ACOT12: variants seen among roughly 807,000 people sequenced by gnomAD.
ACOT12 encodes the protein acyl-CoA thioesterase 12, also known as acetyl-coenzyme A thioesterase.
In ACOT12, 51 loss-of-function variants were observed where a neutral mutation model predicts 67.7. The ratio of observed to expected loss-of-function variants is 0.75; its 90% CI spans 0.60 to 0.95. The LOEUF (loss-of-function observed/expected upper bound fraction) is 0.95, where lower values mean the gene tolerates loss of function less well. Ranked by LOEUF, ACOT12 falls within the 40% of genes least tolerant of loss-of-function variation. ACOT12 has a pLI of 0.00. For missense variants in ACOT12, 734 were observed against 708.1 expected, an observed-to-expected ratio of 1.04 and a Z score of -0.41; for synonymous variants, 251 against 244.6, an observed-to-expected ratio of 1.03 and a Z score of -0.24.
chr5:81,371,788 T>C lies in ACOT12; in HGVS notation c.220A>G (p.Lys74Glu). Residue 74 changes from lysine (K) to glutamate (E), a missense_variant, in exon 3 of 15, where the codon AAA becomes GAA. Transcript: ENST00000307624. ...TARVGQVITI[K>E]AKVTRAFSTS... ...CTGAATGCTCTAGTAACTTTTGCTTTGATGGTTATAACTTGTCCAACTCTA... is the reference window on the plus strand; with the variant it reads ...CTGAATGCTCTAGTAACTTTTGCTTCGATGGTTATAACTTGTCCAACTCTA... The C allele has an allele frequency of 1.2e-6, 2 of 1,614,182 alleles. No individual in the cohort carries two copies. The highest frequency in any genetic ancestry group is 2.2e-5 in the South Asian group (2 of 91,086).
At chr5:81,361,236 A>G (rs963107882) in intron 4 of ACOT12, among the ~76,000 whole-genome samples, 3 of 150,960 alleles carry the variant, frequency 2.0e-5, no homozygotes, top group Non-Finnish European at 3.0e-5. Context: ...TTTTTGAAAC[A>G]GGGTCTCACT....
At chr5:81,383,726 T>C (rs181991188) in intron 2 of ACOT12, among the ~76,000 whole-genome samples, 45 of 151,154 alleles carry the variant, frequency 3.0e-4, no homozygotes, top group Non-Finnish European at 3.4e-4. Flanking sequence ...AATAAAAAAG[T>C]TTAAAAGGTA....
At chr5:81,345,402 T>TA (rs1242748632) in intron 7 of ACOT12, among the ~76,000 whole-genome samples, 1 of 152,120 alleles carries the variant, frequency 6.6e-6, no homozygotes, top group Non-Finnish European at 1.5e-5. Context: ...ATTCTGTAAT[T>TA]AAAAAATAAA....
intron 3 of ACOT12, 73 bp from the exon 4 acceptor site, chr5:81,363,962 G>A: frequency 1.1e-6 from 1 of 922,930 alleles, no homozygotes; most frequent in Non-Finnish European, 1.5e-6. Flanking sequence ...TTAGTCATAT[G>A]TATGCACCAT....
chr5:81,356,538 A>T (rs1184707843), intron 5 of ACOT12, among the ~76,000 whole-genome samples: 1 of 152,096 alleles, frequency 6.6e-6, no homozygotes. Flanking sequence ...AAATCTCCCC[A>T]GCTGTGGTCT....
At chr5:81,354,759 A>G (rs1228121564) in intron 5 of ACOT12, among the ~76,000 whole-genome samples, 2 of 151,476 alleles carry the variant, frequency 1.3e-5, no homozygotes, top group African/African-American at 4.9e-5. Flanking sequence ...GCTGGACTGC[A>G]GTGGTGCAAT....
chr5:81,350,991 C>T (rs1015895617), intron 5 of ACOT12, among the ~76,000 whole-genome samples: 39 of 152,302 alleles, frequency 2.6e-4, no homozygotes, highest in East Asian at 3.9e-4. Flanking sequence ...CCTTGCACTG[C>T]GGCATTTGTG....
At chr5:81,314,818 T>TA in the ACOT12 span, among the ~76,000 whole-genome samples, 72,556 of 151,880 alleles carry the variant, frequency 0.48, 18,065 homozygotes, top group Admixed American at 0.6. Flanking sequence ...CCTGAGACTT[T>TA]AAAAAATTTT....
intron 2 of ACOT12, among the ~76,000 whole-genome samples, chr5:81,381,066 AC>A (rs1443512777): frequency 1.3e-5 from 2 of 148,404 alleles, no homozygotes; most frequent in African/African-American, 5.0e-5. Flanking sequence ...CAGTATTAAA[AC>A]CTTTTTTTTT....
chr5:81,393,840 G>T, intron 1 of ACOT12, 148 bp downstream of exon 1: 2 of 835,264 alleles, frequency 2.4e-6, no homozygotes, highest in Non-Finnish European at 3.2e-6. Context: ...CAGCGCGGGC[G>T]CACTGTTGCA....
chr5:81,356,845 G>A (rs1759732026), intron 5 of ACOT12, among the ~76,000 whole-genome samples: 2 of 151,406 alleles, frequency 1.3e-5, no homozygotes, highest in Non-Finnish European at 2.9e-5. Flanking sequence ...GGCACCCCTC[G>A]CCTTTCGCCT....
At chr5:81,335,688 T>G in intron 12 of ACOT12, 80 bp downstream of exon 12, 3 of 1,467,904 alleles carry the variant, frequency 2.0e-6, no homozygotes, top group Non-Finnish European at 2.8e-6. Flanking sequence ...CATTGGACGA[T>G]GGAGATGGAC....
the ACOT12 span, among the ~76,000 whole-genome samples, chr5:81,323,651 G>A: frequency 0.25 from 38,561 of 151,782 alleles, 5,419 homozygotes; most frequent in Middle Eastern, 0.37. Context: ...AATGTACCAC[G>A]CAGACCCTTA....
chr5:81,309,155 A>G, the ACOT12 span: 1 of 747,958 alleles, frequency 1.3e-6, no homozygotes, highest in Non-Finnish European at 2.1e-6. Context: ...AACCTTGAGA[A>G]TTACATTATT....
rs141586033 is a variant in ACOT12 at position 81,343,143 on chromosome 5, C to T, written c.1045-388G>A. Reference sequence around the variant, plus strand: ...CGGAGGTTGCAGTGAGCCAAGATTGCGCCACTGCACTCCAGCCTGGGCGAC... The same window carrying T: ...CGGAGGTTGCAGTGAGCCAAGATTGTGCCACTGCACTCCAGCCTGGGCGAC... On this transcript the variant is annotated intron_variant, in intron 10 of 14. Transcript: ENST00000307624. 8.5e-4 allele frequency among the ~76,000 whole-genome samples: 129 copies of T among 151,396 alleles called. 1 individual carries two copies. Among genetic ancestry groups the T allele is most frequent in the African/African-American group, 2.9e-3 (121 of 41,236 alleles).
intron 5 of ACOT12, among the ~76,000 whole-genome samples, chr5:81,353,198 G>T (rs905585333): frequency 3.3e-5 from 5 of 152,170 alleles, no homozygotes. Flanking sequence ...GATTATACGT[G>T]CACCAGCATC....
In ACOT12 at chr5:81,330,829, G is replaced by A. The variant is rs780462080; in HGVS notation, c.1503C>T (p.Asp501=). ...ICAGFLIHAI[D]SNSCIVSYFN... is the part of the protein sequence containing the mutation. Reference sequence around the variant, plus strand: ...TCAAACTTACGATGCATGAATTGCTGTCAATAGCATGGATGAGAAATCCGG... The same window carrying A: ...TCAAACTTACGATGCATGAATTGCTATCAATAGCATGGATGAGAAATCCGG... Residue 501 remains aspartate, a synonymous_variant, in exon 14 of 15, where the codon GAC becomes GAT. Transcript: ENST00000307624. 4.3e-6 allele frequency: 7 copies of A among 1,613,804 alleles called. No homozygotes were observed. The South Asian group carries it at 4.4e-5, about 10-fold the overall frequency.
At chr5:81,351,646 A>G (rs115046662) in intron 5 of ACOT12, among the ~76,000 whole-genome samples, 1 of 152,346 alleles carries the variant, frequency 6.6e-6, no homozygotes, top group African/African-American at 2.4e-5. Context: ...CAAACTATAA[A>G]ACCATTATAG....
intron 1 of ACOT12, among the ~76,000 whole-genome samples, chr5:81,386,382 T>C (rs982717395): frequency 6.6e-6 from 1 of 152,230 alleles, no homozygotes; most frequent in Non-Finnish European, 1.5e-5. Flanking sequence ...TATTACCAAA[T>C]TTATGCCAAA....
Sources: allele counts gnomAD v4.1 joint callset (sites outside exome capture counted in the v4.1 genomes callset), GRCh38; gene constraint gnomAD v4.1.1; transcripts MANE v1.5; gene names NCBI Gene and HGNC (gene_info 2026-07-23, HGNC 2026-07-21).